TYW1: variants seen among roughly 807,000 people sequenced by gnomAD.
The protein encoded by TYW1 is S-adenosyl-L-methionine-dependent tRNA 4-demethylwyosine synthase TYW1.
A neutral mutation model predicts 96.2 loss-of-function variants in TYW1; 46 were observed. That is an observed-to-expected ratio of 0.48 (90% confidence interval 0.38 to 0.61). The LOEUF is 0.61. TYW1 is among the 20% of genes least tolerant of loss of function. The pLI, the probability that TYW1 is intolerant of heterozygous loss-of-function variation, is 0.00. For synonymous variants in TYW1, 274 were observed against 323.0 expected, an observed-to-expected ratio of 0.85 and a Z score of 1.63; for missense variants, 684 against 909.6, an observed-to-expected ratio of 0.75 and a Z score of 3.19.
chr7:67,012,553 C>CAAAGTATTTGATA (rs1258874586), intron 4 of TYW1, among the ~76,000 whole-genome samples: 5 of 152,142 alleles, frequency 3.3e-5, no homozygotes, highest in Admixed American at 6.6e-5. Flanking sequence ...TTACTTATAA[C>CAAAGTATTTGATA]TTACCTCATG....
chr7:67,018,955 C>CAAAAAAAAA, intron 6 of TYW1, among the ~76,000 whole-genome samples: 1 of 49,108 alleles, frequency 2.0e-5, no homozygotes, highest in African/African-American at 8.1e-5. Flanking sequence ...GACTCAGTCT[C>CAAAAAAAAA]AAAAAAAAAA....
chr7:67,024,380 TGGTTTCAAACTCCTGA>T (rs1794378560), intron 6 of TYW1, among the ~76,000 whole-genome samples: 1 of 152,114 alleles, frequency 6.6e-6, no homozygotes, highest in South Asian at 2.1e-4. Flanking sequence ...TTCCCCAGGC[TGGTTTCAAACTCCTGA>T]GGTTTCAAAG....
chr7:67,029,416 T>TATAC (rs1794591001), intron 7 of TYW1, among the ~76,000 whole-genome samples: 1 of 97,632 alleles, frequency 1.0e-5, no homozygotes, highest in Non-Finnish European at 2.0e-5. Context: ...TGTGTGTGTG[T>TATAC]ATATATATAT....
At chr7:67,222,877 T>C (rs1052799816) in intron 15 of TYW1, among the ~76,000 whole-genome samples, 5 of 150,666 alleles carry the variant, frequency 3.3e-5, no homozygotes, top group African/African-American at 4.9e-5. Flanking sequence ...TTTTTTTTTT[T>C]TTTTTTTTGC....
chr7:67,129,830 G>T (rs1798009074), intron 13 of TYW1, among the ~76,000 whole-genome samples: 1 of 152,104 alleles, frequency 6.6e-6, no homozygotes, highest in Admixed American at 6.6e-5. Flanking sequence ...AAATACTTAT[G>T]TATATTTTCT....
intron 13 of TYW1, among the ~76,000 whole-genome samples, chr7:67,139,628 C>T (rs528026932): frequency 1.3e-5 from 2 of 152,090 alleles, no homozygotes; most frequent in South Asian, 2.1e-4. Context: ...CCACATCCCT[C>T]GAGTACTGCC....
intron 12 of TYW1, among the ~76,000 whole-genome samples, chr7:67,113,177 C>T (rs1331492462): frequency 6.6e-6 from 1 of 151,926 alleles, no homozygotes; most frequent in South Asian, 2.1e-4. Flanking sequence ...AAAATCAACT[C>T]ACTCCTCCAT....
chr7:67,116,357 A>AG (rs1797593952), intron 12 of TYW1, among the ~76,000 whole-genome samples: 3 of 151,674 alleles, frequency 2.0e-5, no homozygotes, highest in Non-Finnish European at 4.4e-5. Flanking sequence ...AGAAAAGAAA[A>AG]AAAGTATAGT....
At chr7:67,132,601 GT>G (rs1443072254) in intron 13 of TYW1, among the ~76,000 whole-genome samples, 2 of 151,930 alleles carry the variant, frequency 1.3e-5, no homozygotes, top group African/African-American at 4.8e-5. Context: ...CAGTTCAGTG[GT>G]ATCATGTACA....
At chr7:67,171,287 T>C (rs1483232691) in intron 13 of TYW1, among the ~76,000 whole-genome samples, 2 of 152,268 alleles carry the variant, frequency 1.3e-5, no homozygotes, top group East Asian at 3.9e-4. Context: ...TTCTTTTTCT[T>C]AGTCTAGCTA....
rs754435975 is a variant in TYW1, at chr7:67,014,515, C to T, written c.524C>T (p.Ala175Val). 1.1e-5 allele frequency: 17 copies of T among 1,613,632 alleles called. No homozygotes were observed. The highest frequency in any genetic ancestry group is 1.6e-4 in the Middle Eastern group (1 of 6,076). ...ACTTACCTGAAGGGTATGAGATATG[C>T]GGTATTTGGCCTGGGAAATTCTGCC... is the stretch of plus-strand genomic sequence containing the variant. ...GKTYLKGMRYAVFGLGNSAYA... is the reference protein window; with the variant it reads ...GKTYLKGMRYVVFGLGNSAYA... The change falls in exon 5 of 16, where the codon GCG becomes GTG. Residue 175 changes from alanine to valine, a missense_variant. Coordinates refer to ENST00000359626, the MANE Select transcript of TYW1 (RefSeq NM_018264.4).
At chr7:67,128,240 T>C (rs1797961520) in intron 13 of TYW1, among the ~76,000 whole-genome samples, 1 of 152,242 alleles carries the variant, frequency 6.6e-6, no homozygotes, top group African/African-American at 2.4e-5. Flanking sequence ...TATTTCAGTC[T>C]TTTTTCATTT....
intron 7 of TYW1, among the ~76,000 whole-genome samples, chr7:67,029,382 C>CGTGTGCGTGTGTGTGT (rs1794570079): frequency 9.4e-6 from 1 of 106,768 alleles, no homozygotes; most frequent in Non-Finnish European, 1.9e-5. Flanking sequence ...TGTGTGTGTG[C>CGTGTGCGTGTGTGTGT]GTGTGTGTGT....
intron 13 of TYW1, among the ~76,000 whole-genome samples, chr7:67,133,548 A>G (rs1798155065): frequency 6.7e-6 from 1 of 150,020 alleles, no homozygotes; most frequent in South Asian, 2.1e-4. Context: ...AAATACAAAA[A>G]TTAGCTGGGC....
At chr7:67,110,407 A>G (rs1797365696) in intron 12 of TYW1, among the ~76,000 whole-genome samples, 1 of 152,172 alleles carries the variant, frequency 6.6e-6, no homozygotes, top group Admixed American at 6.5e-5. Flanking sequence ...TGATGAAGGC[A>G]TCCCCTAACA....
At chr7:67,161,416 T>C (rs1240486397) in intron 13 of TYW1, among the ~76,000 whole-genome samples, 2 of 152,204 alleles carry the variant, frequency 1.3e-5, no homozygotes, top group South Asian at 2.1e-4. Context: ...ATGTTCTAAT[T>C]GTAGATTAGG....
intron 11 of TYW1, among the ~76,000 whole-genome samples, chr7:67,091,324 A>G (rs1796710870): frequency 6.6e-6 from 1 of 151,584 alleles, no homozygotes; most frequent in Admixed American, 6.6e-5. Context: ...ACAGAAAACC[A>G]AACACTGCAT....
intron 5 of TYW1, 32 bp downstream of exon 5, chr7:67,014,593 C>A: frequency 6.3e-7 from 1 of 1,579,300 alleles, no homozygotes; most frequent in Non-Finnish European, 8.6e-7. Context: ...GGAATAAATT[C>A]TCCCCATAAA....
intron 9 of TYW1, among the ~76,000 whole-genome samples, chr7:67,064,648 T>A (rs746818343): frequency 7.2e-5 from 11 of 152,190 alleles, no homozygotes; most frequent in Non-Finnish European, 1.5e-4. Context: ...GTGAGACTTA[T>A]TCACTATCAC....
Sources: allele counts gnomAD v4.1 joint callset (sites outside exome capture counted in the v4.1 genomes callset), GRCh38; gene constraint gnomAD v4.1.1; transcripts MANE v1.5; gene names NCBI Gene and HGNC (gene_info 2026-07-23, HGNC 2026-07-21).